The following DCDC1 variants were observed in gnomAD, a reference collection of about 807,000 sequenced individuals.
The protein encoded by DCDC1 is doublecortin domain containing 1.
Under a neutral mutation model 178.3 loss-of-function variants are expected in DCDC1, and 200 were observed. That is an observed-to-expected ratio of 1.12 (90% CI 1.00 to 1.26). The LOEUF is 1.26. Ranked by LOEUF, DCDC1 falls within the 50% of genes most tolerant of loss-of-function variation. DCDC1 has a pLI of 0.00. For missense variants in DCDC1, 1,983 were observed against 1,749.2 expected (o/e 1.13, Z -2.38); for synonymous variants, 690 against 604.8 (o/e 1.14, Z -2.07).
intron 20 of DCDC1, among the ~76,000 whole-genome samples, chr11:31,012,118 A>G (rs1042023153): frequency 6.6e-6 from 1 of 152,156 alleles, no homozygotes; most frequent in Middle Eastern, 3.2e-3. Context: ...ACCTTCTGCC[A>G]TGATTATAAG....
chr11:31,162,425 C>T (rs985923744), intron 9 of DCDC1, among the ~76,000 whole-genome samples: 1 of 152,026 alleles, frequency 6.6e-6, no homozygotes, highest in Admixed American at 6.6e-5. Flanking sequence ...AAGAAGACAG[C>T]TCAGTTTAAT....
intron 1 of DCDC1, among the ~76,000 whole-genome samples, chr11:31,368,991 ACAGTGCCCATATG>A (rs1156508599): frequency 6.6e-6 from 1 of 152,118 alleles, no homozygotes; most frequent in East Asian, 1.9e-4. Flanking sequence ...ACAAACCCCA[ACAGTGCCCATATG>A]CAGTGCCCCC....
chr11:30,987,721 T>C (rs549876737), intron 20 of DCDC1, among the ~76,000 whole-genome samples: 4 of 152,358 alleles, frequency 2.6e-5, no homozygotes, highest in Middle Eastern at 3.4e-3. Context: ...CCATGGCCCA[T>C]TGGCCACATG....
chr11:30,876,677 A>G (rs1210352883), intron 38 of DCDC1, among the ~76,000 whole-genome samples: 1 of 152,220 alleles, frequency 6.6e-6, no homozygotes, highest in East Asian at 1.9e-4. Flanking sequence ...TGACTTCACA[A>G]GAATTTGCAC....
At chr11:31,040,597 T>C (rs973586414) in intron 20 of DCDC1, among the ~76,000 whole-genome samples, 2 of 152,188 alleles carry the variant, frequency 1.3e-5, no homozygotes, top group Non-Finnish European at 2.9e-5. Context: ...TCAAATATTT[T>C]CTACTGAAAA....
intron 10 of DCDC1, among the ~76,000 whole-genome samples, chr11:31,130,560 G>T (rs906843785): frequency 6.6e-6 from 1 of 152,162 alleles, no homozygotes; most frequent in Non-Finnish European, 1.5e-5. Context: ...AACATGTAAA[G>T]TGAGCAAAAA....
intron 7 of DCDC1, among the ~76,000 whole-genome samples, chr11:31,283,344 C>G (rs987321957): frequency 4.7e-5 from 7 of 149,102 alleles, no homozygotes; most frequent in Admixed American, 2.7e-4. Context: ...TCTCTAATAT[C>G]TAACCTGCTG....
At chr11:31,062,584 A>G (rs775131675) in intron 20 of DCDC1, among the ~76,000 whole-genome samples, 3 of 152,092 alleles carry the variant, frequency 2.0e-5, no homozygotes, top group Non-Finnish European at 4.4e-5. Context: ...ATATTATGAT[A>G]CAGCAAGGTA....
intron 20 of DCDC1, among the ~76,000 whole-genome samples, chr11:30,959,367 C>T (rs888905522): frequency 2.6e-5 from 4 of 152,050 alleles, no homozygotes; most frequent in African/African-American, 4.8e-5. Flanking sequence ...TCTCCAAATT[C>T]GCTCAGCCCC....
At chr11:31,145,914 C>T (rs950594445) in intron 9 of DCDC1, among the ~76,000 whole-genome samples, 1 of 152,098 alleles carries the variant, frequency 6.6e-6, no homozygotes, top group Non-Finnish European at 1.5e-5. Context: ...CTTAGTCTAT[C>T]AATACATTAC....
At chr11:30,968,097 C>T (rs1054076471) in intron 20 of DCDC1, among the ~76,000 whole-genome samples, 9 of 152,116 alleles carry the variant, frequency 5.9e-5, no homozygotes, top group African/African-American at 2.2e-4. Flanking sequence ...GGAACTGAGA[C>T]AGTTTCTATC....
intron 9 of DCDC1, among the ~76,000 whole-genome samples, chr11:31,165,766 T>C (rs1565373045): frequency 6.6e-6 from 1 of 152,212 alleles, no homozygotes; most frequent in South Asian, 2.1e-4. Flanking sequence ...GTGCGCAGAT[T>C]TGAATTTCTT....
intron 21 of DCDC1, among the ~76,000 whole-genome samples, chr11:30,947,072 A>G (rs936439940): frequency 6.6e-6 from 1 of 152,214 alleles, no homozygotes; most frequent in African/African-American, 2.4e-5. Context: ...AAAAATAATC[A>G]TTGAGGATTC....
At chr11:31,161,055 C>T (rs1049316679) in intron 9 of DCDC1, among the ~76,000 whole-genome samples, 13 of 152,074 alleles carry the variant, frequency 8.5e-5, no homozygotes, top group African/African-American at 2.7e-4. Context: ...TTTTTAAAAT[C>T]TTTCCCTCTT....
chr11:31,352,103 T>C (rs1951102805), intron 1 of DCDC1, among the ~76,000 whole-genome samples: 1 of 152,126 alleles, frequency 6.6e-6, no homozygotes, highest in Admixed American at 6.5e-5. Context: ...TCAACAAAAA[T>C]TATGTAATAT....
chr11:30,977,176 G>C (rs903833326), intron 20 of DCDC1, among the ~76,000 whole-genome samples: 2 of 151,060 alleles, frequency 1.3e-5, no homozygotes, highest in African/African-American at 4.9e-5. Context: ...GACTGGAAAA[G>C]GTGTGTGGTT....
At chr11:30,940,920 T>C (rs1400167708) in intron 21 of DCDC1, among the ~76,000 whole-genome samples, 1 of 152,206 alleles carries the variant, frequency 6.6e-6, no homozygotes, top group Non-Finnish European at 1.5e-5. Context: ...TAGCTGATTC[T>C]AACACCTTTT....
intron 22 of DCDC1, 64 bp from the exon 23 acceptor site, chr11:30,925,472 A>C: frequency 7.0e-7 from 1 of 1,431,116 alleles, no homozygotes; most frequent in Non-Finnish European, 9.8e-7. Flanking sequence ...AAGAGAGAAA[A>C]TAAAAGAAAT....
chr11:31,264,024 C>T (rs548399718), intron 8 of DCDC1, among the ~76,000 whole-genome samples: 9 of 152,220 alleles, frequency 5.9e-5, no homozygotes, highest in African/African-American at 1.9e-4. Context: ...CTTTAAAGTA[C>T]ATTTCATAAC....
Sources: gnomAD v4.1 joint callset for allele counts (sites outside exome capture counted in the v4.1 genomes callset) on GRCh38, gnomAD v4.1.1 for gene constraint, MANE v1.5 for transcripts, NCBI Gene and HGNC (gene_info 2026-07-23, HGNC 2026-07-21) for gene names.